The following SEPTIN14 variants were observed in gnomAD, a reference collection of about 807,000 sequenced individuals.
SEPTIN14 encodes septin-14.
A neutral mutation model predicts 53.6 loss-of-function variants in SEPTIN14; 40 were observed. The observed-to-expected ratio is 0.75, with a 90% CI of 0.58 to 0.97. SEPTIN14 has a LOEUF of 0.97. Ranked by LOEUF, SEPTIN14 falls within the 50% of genes least tolerant of loss-of-function variation. SEPTIN14 has a pLI of 0.00. For synonymous variants in SEPTIN14, 138 were observed against 166.8 expected (o/e 0.83, Z 1.33); for missense variants, 471 against 508.2 (o/e 0.93, Z 0.70).
intron 2 of SEPTIN14, among the ~76,000 whole-genome samples, chr7:55,858,155 C>G (rs544740497): frequency 1.2e-4 from 18 of 152,226 alleles, no homozygotes; most frequent in African/African-American, 4.1e-4. Context: ...CACATTGCTG[C>G]TGAAAGTAGG....
intron 3 of SEPTIN14, 60 bp downstream of exon 3, chr7:55,846,455 TAA>T: frequency 7.8e-7 from 1 of 1,279,844 alleles, no homozygotes; most frequent in East Asian, 2.4e-5. Context: ...CTGCTTAAGA[TAA>T]GTTGAAATGA....
intron 7 of SEPTIN14, among the ~76,000 whole-genome samples, chr7:55,810,191 T>C (rs1788676870): frequency 6.6e-6 from 1 of 151,102 alleles, no homozygotes; most frequent in Admixed American, 6.7e-5. Context: ...ATGTGTTTAA[T>C]TCGCATTTTC....
At chr7:55,858,468 C>T (rs916835027) in intron 2 of SEPTIN14, among the ~76,000 whole-genome samples, 1 of 152,152 alleles carries the variant, frequency 6.6e-6, no homozygotes, top group African/African-American at 2.4e-5. Context: ...CTCTGGCAAA[C>T]CAACCCCACC....
intron 7 of SEPTIN14, among the ~76,000 whole-genome samples, chr7:55,817,457 ATT>A: frequency 6.9e-6 from 1 of 145,346 alleles, no homozygotes; most frequent in South Asian, 2.2e-4. Flanking sequence ...TAATAACAAT[ATT>A]TTATATATAT....
At chr7:55,802,170 A>G (rs1375132604) in intron 9 of SEPTIN14, among the ~76,000 whole-genome samples, 3 of 151,852 alleles carry the variant, frequency 2.0e-5, no homozygotes, top group African/African-American at 7.2e-5. Context: ...ACGCCCGGCT[A>G]ATTTTTATAT....
chr7:55,847,250 T>C (rs1313597557), intron 2 of SEPTIN14, among the ~76,000 whole-genome samples: 3 of 151,968 alleles, frequency 2.0e-5, no homozygotes, highest in Non-Finnish European at 4.4e-5. Context: ...AAGGAAATAC[T>C]ACAAGAAACT....
At chr7:55,858,735 C>T (rs1297026320) in intron 2 of SEPTIN14, among the ~76,000 whole-genome samples, 1 of 151,962 alleles carries the variant, frequency 6.6e-6, no homozygotes, top group Non-Finnish European at 1.5e-5. Flanking sequence ...ACTCAGGAGG[C>T]AGAGGTTGCA....
At chr7:55,821,965 T>G (rs760962098) in intron 6 of SEPTIN14, among the ~76,000 whole-genome samples, 30 of 152,170 alleles carry the variant, frequency 2.0e-4, no homozygotes, top group Non-Finnish European at 3.7e-4. Flanking sequence ...AGGCACTTCC[T>G]ACATGGCAGC....
At chr7:55,820,884 G>A (rs1400326922) in intron 6 of SEPTIN14, among the ~76,000 whole-genome samples, 1 of 152,076 alleles carries the variant, frequency 6.6e-6, no homozygotes, top group Non-Finnish European at 1.5e-5. Context: ...AGGTTGCAGT[G>A]AGCTGAGATC....
Position 55,842,950 on chromosome 7 carries a change from C to T in SEPTIN14, c.550G>A (p.Asp184Asn). Residue 184 changes from aspartate to asparagine, a missense_variant, in exon 5 of 10, where the codon GAC becomes AAC. Transcript: ENST00000388975. ...SLDLLTMKNLDSKVNIIPLIA... is the reference protein window; with the variant it reads ...SLDLLTMKNLNSKVNIIPLIA... ...AGATTTACCAAACATACCTTACTGTCAAGGTTCTTCATTGTTAATAGATCA... is the reference window on the plus strand; with the variant it reads ...AGATTTACCAAACATACCTTACTGTTAAGGTTCTTCATTGTTAATAGATCA... 1 of 1,507,186 alleles carries T rather than the reference C, an allele frequency of 6.6e-7. No homozygotes were observed. The highest frequency in any genetic ancestry group is 8.8e-7 in the Non-Finnish European group (1 of 1,130,876). The allele number at this position is 1,507,186 out of a possible 1,614,324, so 93.4% of individuals were successfully genotyped here. A position where few individuals can be genotyped will look rare whatever the true frequency, so the allele number is the denominator to read the frequency against.
At chr7:55,861,467 A>T (rs537073085) in intron 2 of SEPTIN14, among the ~76,000 whole-genome samples, 12 of 150,766 alleles carry the variant, frequency 8.0e-5, no homozygotes, top group Non-Finnish European at 1.5e-4. Flanking sequence ...ACGCCACTGC[A>T]CTCCAGCCTG....
Position 55,821,317 on chromosome 7 carries a change from G to A in SEPTIN14, c.721-2094C>T, listed in dbSNP as rs1562710605. 3.3e-5 allele frequency among the ~76,000 whole-genome samples: 5 copies of A among 152,152 alleles called. No homozygotes were observed. In the South Asian group the frequency reaches 1.0e-3, roughly 32 times the overall value. ...CCTCAGACTGGTGCTCCTCCTCACT[G>A]AGCTCTCAGTTACCAGTGGGTGCCT... On this transcript the variant is annotated intron_variant, in intron 6 of 9. Coordinates refer to ENST00000388975, the MANE Select transcript of SEPTIN14 (RefSeq NM_207366.3).
chr7:55,857,075 T>A (rs1009807993), intron 2 of SEPTIN14, among the ~76,000 whole-genome samples: 18 of 147,288 alleles, frequency 1.2e-4, no homozygotes, highest in African/African-American at 3.8e-4. Flanking sequence ...ATCTCAAATT[T>A]AAAAAAAAGA....
intron 9 of SEPTIN14, among the ~76,000 whole-genome samples, chr7:55,804,176 G>C (rs1216653388): frequency 6.9e-6 from 1 of 144,674 alleles, no homozygotes; most frequent in Non-Finnish European, 1.5e-5. Context: ...ATGAGATCCA[G>C]CTATGTCTCT....
At chr7:55,807,416 G>C (rs1788627803) in intron 7 of SEPTIN14, among the ~76,000 whole-genome samples, 158 bp from the exon 8 acceptor site, 1 of 152,144 alleles carries the variant, frequency 6.6e-6, no homozygotes, top group African/African-American at 2.4e-5. Flanking sequence ...ATGTAAGTGT[G>C]GTTGTACTAT....
Position 55,810,488 on chromosome 7 carries a change from T to TC in SEPTIN14, c.818-3231_818-3230insG, listed in dbSNP as rs1377342113. 1.3e-3 allele frequency among the ~76,000 whole-genome samples: 197 copies of TC among 150,058 alleles called. 1 individual carries two copies. Among genetic ancestry groups the TC allele is most frequent in the African/African-American group, 4.7e-3 (193 of 40,886 alleles). On this transcript the variant is annotated intron_variant, in intron 7 of 9. Coordinates refer to ENST00000388975, the MANE Select transcript of SEPTIN14 (RefSeq NM_207366.3). ...GTTTTTGAAGTTCTTTTTTTTTTTTTTTTTGAGGCAGAGTCTTGCTCTGTC... is the reference window on the plus strand; with the variant it reads ...GTTTTTGAAGTTCTTTTTTTTTTTTTCTTTTGAGGCAGAGTCTTGCTCTGTC...
At chr7:55,834,748 C>T (rs571978958) in intron 5 of SEPTIN14, among the ~76,000 whole-genome samples, 162 bp from the exon 6 acceptor site, 72 of 152,080 alleles carry the variant, frequency 4.7e-4, no homozygotes, top group African/African-American at 1.6e-3. Flanking sequence ...GTTCACGCCA[C>T]TCTCCTGCCT....
intron 1 of SEPTIN14, among the ~76,000 whole-genome samples, 156 bp downstream of exon 1, chr7:55,862,532 C>T (rs750178533): frequency 1.3e-5 from 2 of 152,084 alleles, no homozygotes; most frequent in Non-Finnish European, 2.9e-5. Context: ...TGATAATTCT[C>T]ATTTATGAAG....
chr7:55,844,615 A>C lies in SEPTIN14; in HGVS notation c.279T>G (p.Ile93Met), dbSNP rs148002749. The C allele has an allele frequency of 2.0e-5, 32 of 1,609,944 alleles. No homozygotes were observed. The Middle Eastern group carries it at 9.9e-4, about 50-fold the overall frequency. The change falls in exon 4 of 10, where the codon ATT (isoleucine) becomes ATG (methionine). Residue 93 changes from isoleucine (I) to methionine (M), a missense_variant. Ile to Met is a conservative substitution (Grantham distance 10). Coordinates refer to ENST00000388975, the MANE Select transcript of SEPTIN14 (RefSeq NM_207366.3). ...SHFYSNVGLQ[I>M]QTYELQESNV... Reference sequence around the variant, plus strand: ...TGCTTTCCTGAAGTTCATATGTCTGAATTTGAAGTCCAACATTTGAGTAAA... The same window carrying C: ...TGCTTTCCTGAAGTTCATATGTCTGCATTTGAAGTCCAACATTTGAGTAAA...
Sources: gnomAD v4.1 joint callset for allele counts (sites outside exome capture counted in the v4.1 genomes callset) on GRCh38, gnomAD v4.1.1 for gene constraint, MANE v1.5 for transcripts, NCBI Gene and HGNC (gene_info 2026-07-23, HGNC 2026-07-21) for gene names.